Variants in SLC12A8 observed in about 807,000 individuals in gnomAD.
SLC12A8 encodes solute carrier family 12 member 8.
In SLC12A8, 69 loss-of-function variants were observed where a neutral mutation model predicts 75.6. The ratio of observed to expected loss-of-function variants is 0.91; its 90% CI spans 0.75 to 1.11. SLC12A8 has a LOEUF of 1.11. SLC12A8 is among the 50% of genes most tolerant of loss of function. The pLI, the probability that SLC12A8 is intolerant of heterozygous loss-of-function variation, is 0.00. For synonymous variants in SLC12A8, 365 were observed against 372.8 expected, an observed-to-expected ratio of 0.98 and a Z score of 0.24; for missense variants, 877 against 896.7, an observed-to-expected ratio of 0.98 and a Z score of 0.28.
chr3:125,184,191 G>A (rs771117352), intron 4 of SLC12A8, among the ~76,000 whole-genome samples: 14 of 152,126 alleles, frequency 9.2e-5, no homozygotes, highest in African/African-American at 1.4e-4. Flanking sequence ...AGCTGGTCTC[G>A]AACTCCTGAC....
At chr3:125,126,379 T>C (rs1460663867) in intron 6 of SLC12A8, among the ~76,000 whole-genome samples, 2 of 152,172 alleles carry the variant, frequency 1.3e-5, no homozygotes, top group South Asian at 2.1e-4. Context: ...ACAGAAGACA[T>C]AGAGGGCCAG....
Position 125,202,650 on chromosome 3 carries a change from T to TAAA in SLC12A8, c.51+8646_51+8648dup, listed in dbSNP as rs371036226. Among the ~76,000 whole-genome samples the TAAA allele has an allele frequency of 6.9e-3, 1,031 of 149,800 alleles. 6 individuals carry two copies. Among genetic ancestry groups the TAAA allele is most frequent in the African/African-American group, 0.015 (626 of 40,664 alleles). ...ACCATGTTTTTTTTTTTTTTTTTTT[T>TAAA]AAATCTGTATCTAATGATGTTATGA... On this transcript the variant is annotated intron_variant, in intron 2 of 13. Coordinates refer to ENST00000469902, the MANE Select transcript of SLC12A8 (RefSeq NM_024628.6).
intron 6 of SLC12A8, among the ~76,000 whole-genome samples, chr3:125,129,888 G>T (rs1439118321): frequency 6.6e-6 from 1 of 152,140 alleles, no homozygotes; most frequent in African/African-American, 2.4e-5. Flanking sequence ...AGACACGGAG[G>T]GCAGCTCTCC....
At chr3:125,157,937 A>G (rs1934084733) in intron 5 of SLC12A8, among the ~76,000 whole-genome samples, 1 of 152,166 alleles carries the variant, frequency 6.6e-6, no homozygotes, top group African/African-American at 2.4e-5. Context: ...GGACTCAGGA[A>G]AAGTTTTTCA....
chr3:125,087,814 A>G (rs1938497112), intron 13 of SLC12A8, among the ~76,000 whole-genome samples: 1 of 152,166 alleles, frequency 6.6e-6, no homozygotes, highest in Non-Finnish European at 1.5e-5. Context: ...ATATCTGACC[A>G]TAGAGGTCCC....
Position 125,187,435 on chromosome 3 carries a change from C to A in SLC12A8, c.199-7G>T. On this transcript the variant is annotated splice_region_variant and splice_polypyrimidine_tract_variant and intron_variant, in intron 3 of 13. Coordinates refer to ENST00000469902, the MANE Select transcript of SLC12A8 (RefSeq NM_024628.6). Reference sequence around the variant, plus strand: ...GGAGCACTCCTGTGTTTCCCTGCAGCAGAATAGCAAGGAGCAAGGTTGGAT... The same window carrying A: ...GGAGCACTCCTGTGTTTCCCTGCAGAAGAATAGCAAGGAGCAAGGTTGGAT... 1 of 1,613,384 alleles carries A rather than the reference C, an allele frequency of 6.2e-7. No homozygotes were observed. Among genetic ancestry groups the A allele is most frequent in the Non-Finnish European group, 8.5e-7 (1 of 1,179,640 alleles).
intron 2 of SLC12A8, among the ~76,000 whole-genome samples, chr3:125,207,492 G>C (rs1935248333): frequency 6.6e-6 from 1 of 152,160 alleles, no homozygotes; most frequent in South Asian, 2.1e-4. Context: ...TTTTGTACTT[G>C]TTTTAGTATA....
chr3:125,121,216 G>T (rs551742918), intron 6 of SLC12A8, among the ~76,000 whole-genome samples: 1 of 152,324 alleles, frequency 6.6e-6, no homozygotes, highest in South Asian at 2.1e-4. Flanking sequence ...CACTGACATG[G>T]AGTCACAAGC....
chr3:125,162,419 C>A (rs1017789600), intron 5 of SLC12A8, among the ~76,000 whole-genome samples: 3 of 152,162 alleles, frequency 2.0e-5, no homozygotes, highest in Non-Finnish European at 2.9e-5. Context: ...TTTCTGCGAT[C>A]CCAGTATCAA....
chr3:125,119,734 A>G (rs934653510), intron 7 of SLC12A8: 1 of 400,530 alleles, frequency 2.5e-6, no homozygotes, highest in Non-Finnish European at 5.1e-6. Flanking sequence ...GCAGTAAGCT[A>G]AGAACAAATT....
At position 125,119,662 on chromosome 3, in the gene SLC12A8, C is replaced by G. The variant is rs72963884; in HGVS notation, c.825-806G>C. 2.7e-3 allele frequency among the ~76,000 whole-genome samples: 414 copies of G among 152,352 alleles called. 2 individuals are homozygous for G. Among genetic ancestry groups the G allele is most frequent in the African/African-American group, 9.5e-3 (393 of 41,574 alleles). On this transcript the variant is annotated intron_variant, in intron 7 of 13. Transcript: ENST00000469902. Reference sequence around the variant, plus strand: ...CTATCTCTGTTGTCTTCATTTTCTTCCCAATGTTATTGCACAAAATACCCT... The same window carrying G: ...CTATCTCTGTTGTCTTCATTTTCTTGCCAATGTTATTGCACAAAATACCCT...
At chr3:125,145,143 C>T (rs920335496) in intron 5 of SLC12A8, among the ~76,000 whole-genome samples, 1 of 152,200 alleles carries the variant, frequency 6.6e-6, no homozygotes, top group African/African-American at 2.4e-5. Context: ...AAAGGAGATG[C>T]CCACGTCACA....
rs890010269 is a variant in SLC12A8 at position 125,083,847 on chromosome 3, G to A, written c.*43C>T. On this transcript the variant is annotated 3_prime_UTR_variant, in exon 14 of 14. Coordinates refer to ENST00000469902, the MANE Select transcript of SLC12A8 (RefSeq NM_024628.6). ...CGAAGGTCCTGAGCTTGGGTCCACTGTACATGGGACAGCTCCAAAAGAGGA... is the reference window on the plus strand; with the variant it reads ...CGAAGGTCCTGAGCTTGGGTCCACTATACATGGGACAGCTCCAAAAGAGGA... 6.3e-7 allele frequency: 1 copy of A among 1,586,822 alleles called. No homozygotes were observed. The highest frequency in any genetic ancestry group is 1.3e-5 in the African/African-American group (1 of 74,306).
intron 4 of SLC12A8, among the ~76,000 whole-genome samples, chr3:125,182,890 A>G (rs921139442): frequency 6.6e-6 from 1 of 152,206 alleles, no homozygotes; most frequent in Non-Finnish European, 1.5e-5. Context: ...GAAATGTTCC[A>G]AAAGAGAACA....
chr3:125,167,952 A>G (rs1211059345), intron 5 of SLC12A8, among the ~76,000 whole-genome samples: 2 of 152,246 alleles, frequency 1.3e-5, no homozygotes, highest in South Asian at 2.1e-4. Flanking sequence ...GTTTTGTCCA[A>G]TAGCAATAGA....
intron 5 of SLC12A8, among the ~76,000 whole-genome samples, chr3:125,157,869 G>A (rs1397861249): frequency 6.6e-6 from 1 of 152,202 alleles, no homozygotes; most frequent in Non-Finnish European, 1.5e-5. Flanking sequence ...TTAGGGGAGA[G>A]CCTGTGCCTT....
At chr3:125,144,204 C>A (rs1933716906) in intron 5 of SLC12A8, among the ~76,000 whole-genome samples, 1 of 152,202 alleles carries the variant, frequency 6.6e-6, no homozygotes. Context: ...ACAGTGCTGT[C>A]TACTTCCGCT....
At chr3:125,095,400 T>C (rs529218266) in intron 10 of SLC12A8, among the ~76,000 whole-genome samples, 46 of 152,330 alleles carry the variant, frequency 3.0e-4, no homozygotes, top group African/African-American at 1.1e-3. Context: ...TATTCTACTA[T>C]CAGAATATAT....
chr3:125,111,336 A>G (rs1331228647), intron 8 of SLC12A8, among the ~76,000 whole-genome samples: 1 of 152,172 alleles, frequency 6.6e-6, no homozygotes, highest in African/African-American at 2.4e-5. Context: ...AGGGTCCAAG[A>G]TGTTACTAGC....
Sources: allele counts gnomAD v4.1 joint callset (sites outside exome capture counted in the v4.1 genomes callset), GRCh38; gene constraint gnomAD v4.1.1; transcripts MANE v1.5; gene names NCBI Gene and HGNC (gene_info 2026-07-23, HGNC 2026-07-21).